Variants in ZFAT observed in about 807,000 individuals in gnomAD.
ZFAT encodes the protein zinc finger protein ZFAT.
Under a neutral mutation model 117.7 loss-of-function variants are expected in ZFAT, and 64 were observed. The observed-to-expected ratio is 0.54, with a 90% confidence interval of 0.44 to 0.67. The LOEUF (loss-of-function observed/expected upper bound fraction) is 0.67. ZFAT is among the 30% of genes least tolerant of loss of function. The pLI, the probability that ZFAT is intolerant of heterozygous loss-of-function variation, is 0.00. For synonymous variants in ZFAT, 679 were observed against 615.0 expected (o/e 1.10, Z -1.54); for missense variants, 1,433 against 1,584.5 (o/e 0.90, Z 1.62).
chr8:134,485,378 A>G (rs762263137), intron 15 of ZFAT, among the ~76,000 whole-genome samples: 24 of 152,330 alleles, frequency 1.6e-4, no homozygotes, highest in Middle Eastern at 6.8e-3. Context: ...ACCCCAGCAC[A>G]GTCTTTTTTC....
In ZFAT at chr8:134,602,032, C is replaced by A. The variant is rs1257874469; in HGVS notation, c.1687G>T (p.Ala563Ser). Reference sequence around the variant, plus strand: ...GCTGTGCTTTCGGCCTGCGGGGAGGCCAGGTGCACAGCTGGGGCAGGCATT... The same window carrying A: ...GCTGTGCTTTCGGCCTGCGGGGAGGACAGGTGCACAGCTGGGGCAGGCATT... ...GEMPAPAVHL[A>S]SPQAESTALP... The change falls in exon 6 of 16, where the codon GCC (alanine) becomes TCC (serine). Residue 563 changes from alanine to serine, a missense_variant. Coordinates refer to ENST00000377838, the MANE Select transcript of ZFAT (RefSeq NM_020863.4). 6.2e-7 allele frequency: 1 copy of A among 1,611,920 alleles called. No homozygotes were observed. The highest frequency in any genetic ancestry group is 1.3e-5 in the African/African-American group (1 of 75,052).
chr8:134,672,599 A>C (rs1359517796), intron 1 of ZFAT, among the ~76,000 whole-genome samples: 1 of 152,232 alleles, frequency 6.6e-6, no homozygotes, highest in Non-Finnish European at 1.5e-5. Context: ...TCATAATCAA[A>C]TCTCTGAAAA....
intron 1 of ZFAT, among the ~76,000 whole-genome samples, chr8:134,703,044 A>G (rs1400189539): frequency 2.0e-5 from 3 of 152,236 alleles, no homozygotes; most frequent in East Asian, 1.9e-4. Context: ...AGACTAATAT[A>G]TAAGTGTACC....
intron 3 of ZFAT, among the ~76,000 whole-genome samples, chr8:134,630,732 G>A (rs1268671716): frequency 6.6e-6 from 1 of 152,082 alleles, no homozygotes; most frequent in East Asian, 1.9e-4. Flanking sequence ...CTCTTTTCCT[G>A]GTTTCTGCTA....
intron 10 of ZFAT, among the ~76,000 whole-genome samples, chr8:134,572,411 C>T (rs767810713): frequency 2.6e-5 from 4 of 152,126 alleles, no homozygotes; most frequent in Non-Finnish European, 4.4e-5. Context: ...ATGTTTCATC[C>T]GCTACTGCAC....
intron 12 of ZFAT, among the ~76,000 whole-genome samples, chr8:134,526,514 G>A (rs1164009969): frequency 1.3e-5 from 2 of 152,034 alleles, no homozygotes; most frequent in African/African-American, 4.8e-5. Flanking sequence ...TTCCTCCCAC[G>A]GACTGATTAA....
chr8:134,697,747 C>T (rs950409126), intron 1 of ZFAT, among the ~76,000 whole-genome samples: 1 of 145,572 alleles, frequency 6.9e-6, no homozygotes, highest in African/African-American at 2.5e-5. Context: ...AAACTAAAAA[C>T]TAAAAAAAAA....
At chr8:134,668,623 C>T (rs1307227089) in intron 1 of ZFAT, among the ~76,000 whole-genome samples, 1 of 152,112 alleles carries the variant, frequency 6.6e-6, no homozygotes, top group Non-Finnish European at 1.5e-5. Flanking sequence ...CATCAAAGAC[C>T]AAAGGTAGAT....
chr8:134,706,211 C>T (rs538971410), intron 1 of ZFAT, among the ~76,000 whole-genome samples: 13 of 152,284 alleles, frequency 8.5e-5, no homozygotes, highest in East Asian at 3.9e-4. Context: ...AAGGCTTGTA[C>T]GGGAACATTC....
intron 7 of ZFAT, 39 bp downstream of exon 7, chr8:134,600,397 C>T: frequency 6.4e-7 from 1 of 1,567,238 alleles, no homozygotes; most frequent in Non-Finnish European, 8.8e-7. Flanking sequence ...CAATGAGCAC[C>T]CAGGGGAGAC....
At chr8:134,630,123 G>A (rs1220297999) in intron 3 of ZFAT, among the ~76,000 whole-genome samples, 1 of 152,226 alleles carries the variant, frequency 6.6e-6, no homozygotes, top group Admixed American at 6.5e-5. Flanking sequence ...ATGATAGGCA[G>A]AAGAGGGGCC....
chr8:134,581,208 T>C (rs1825687835), intron 10 of ZFAT, among the ~76,000 whole-genome samples: 1 of 151,324 alleles, frequency 6.6e-6, no homozygotes, highest in Non-Finnish European at 1.5e-5. Flanking sequence ...AGATCAGCAA[T>C]GGAGCTAGAA....
the ZFAT span, chr8:134,723,462 A>T: frequency 1.3e-5 from 2 of 152,590 alleles, no homozygotes; most frequent in Non-Finnish European, 2.9e-5. Context: ...GCCTGCAGGC[A>T]TGCGGAGGGA....
At chr8:134,777,582 T>G in the ZFAT span, among the ~76,000 whole-genome samples, 1 of 152,224 alleles carries the variant, frequency 6.6e-6, no homozygotes, top group Non-Finnish European at 1.5e-5. Context: ...AAAAAATGCC[T>G]AATGGTGTTC....
chr8:134,493,701 T>C (rs776025909), intron 15 of ZFAT, among the ~76,000 whole-genome samples: 2 of 152,230 alleles, frequency 1.3e-5, no homozygotes, highest in Non-Finnish European at 2.9e-5. Context: ...TGACTGCTTC[T>C]GGATGCCGGC....
chr8:134,544,447 T>TA (rs1191526057), intron 11 of ZFAT, among the ~76,000 whole-genome samples: 1 of 16,158 alleles, frequency 6.2e-5, no homozygotes, highest in African/African-American at 2.9e-4. Context: ...CTGGTTGAAA[T>TA]TTTTTTTTAA....
chr8:134,692,755 G>A (rs1586959891), intron 1 of ZFAT, among the ~76,000 whole-genome samples: 1 of 152,182 alleles, frequency 6.6e-6, no homozygotes, highest in East Asian at 1.9e-4. Context: ...CAGATGCCTC[G>A]GGCTAAAGAG....
chr8:134,549,442 G>GA (rs34384490), intron 11 of ZFAT, among the ~76,000 whole-genome samples: 503 of 119,376 alleles, frequency 4.2e-3, no homozygotes, highest in African/African-American at 6.2e-3. Context: ...CTCCGTCTCA[G>GA]AAAAAAAAAA....
chr8:134,582,024 AAT>A (rs10574780), intron 10 of ZFAT, among the ~76,000 whole-genome samples: 17,523 of 152,254 alleles, frequency 0.12, 1,243 homozygotes, highest in East Asian at 0.37. Flanking sequence ...TTTGTTAGAA[AAT>A]ACTTCATAAT....
Sources: allele counts gnomAD v4.1 joint callset (sites outside exome capture counted in the v4.1 genomes callset), GRCh38; gene constraint gnomAD v4.1.1; transcripts MANE v1.5; gene names NCBI Gene and HGNC (gene_info 2026-07-23, HGNC 2026-07-21).